Variants in ESM1 observed in about 807,000 individuals in gnomAD.
ESM1 encodes the protein endothelial cell specific molecule 1.
In ESM1, 7 loss-of-function variants were observed where a neutral mutation model predicts 14.9. The ratio of observed to expected loss-of-function variants is 0.47; its 90% CI spans 0.27 to 0.88. The LOEUF is 0.88. ESM1 is among the 40% of genes least tolerant of loss of function. The probability of loss-of-function intolerance (pLI) is 0.14; values close to 1 mark genes in which losing one functional copy is unlikely to be tolerated. For missense variants in ESM1, 192 were observed against 237.9 expected (o/e 0.81, Z 1.27); for synonymous variants, 89 against 89.4 (o/e 1.00, Z 0.02).
chr5:54,979,267 A>C lies in ESM1; in HGVS notation c.*65T>G, dbSNP rs1744002767. 3.4e-6 allele frequency: 4 copies of C among 1,186,274 alleles called. No homozygotes were observed. The highest frequency in any genetic ancestry group is 5.0e-6 in the Non-Finnish European group (4 of 797,054). The allele number at this position is 1,186,274 out of a possible 1,614,324, so 73.5% of individuals were successfully genotyped here. ...TTATGCTATAATCTAGAAAGTTCCT[A>C]AAATGTTGGCTGTGTGTTGAACAAT... is the stretch of plus-strand genomic sequence containing the variant. On this transcript the variant is annotated 3_prime_UTR_variant, in exon 3 of 3. Transcript: ENST00000381405.
chr5:54,978,192 CAT>C lies in ESM1; in HGVS notation c.*1138_*1139del, dbSNP rs980072231. On this transcript the variant is annotated 3_prime_UTR_variant, in exon 3 of 3. Coordinates refer to ENST00000381405, the MANE Select transcript of ESM1 (RefSeq NM_007036.5). ...AAAATAAACTATATTTTAAAGTTGA[CAT>C]GTTTTCTGCTGAAAATTGATTCTTC... 1 of 152,094 alleles carries C rather than the reference CAT, an allele frequency of 6.6e-6. No homozygotes were observed. Among genetic ancestry groups the C allele is most frequent in the Non-Finnish European group, 1.5e-5 (1 of 68,010 alleles). 9.4% of individuals were successfully genotyped at this position (152,094 alleles called of 1,614,324 possible). A position where few individuals can be genotyped will look rare whatever the true frequency, so the allele number is the denominator to read the frequency against.
At chr5:54,983,182 G>A (rs527869198) in intron 1 of ESM1, among the ~76,000 whole-genome samples, 120 of 152,228 alleles carry the variant, frequency 7.9e-4, no homozygotes, top group Non-Finnish European at 1.2e-3. Flanking sequence ...AGAGATCTAT[G>A]AGTGCTCTTT....
intron 1 of ESM1, among the ~76,000 whole-genome samples, chr5:54,983,465 A>T (rs1158144602): frequency 6.6e-6 from 1 of 152,250 alleles, no homozygotes; most frequent in Non-Finnish European, 1.5e-5. Flanking sequence ...TCTGGGCAAG[A>T]TGTTCACAGA....
intron 2 of ESM1, 126 bp downstream of exon 2, chr5:54,981,871 C>A: frequency 9.9e-7 from 1 of 1,010,304 alleles, no homozygotes; most frequent in Non-Finnish European, 1.5e-6. Flanking sequence ...CCACCGTTCC[C>A]CTGAGTAAAG....
chr5:54,982,359 G>C (rs1334806076), intron 1 of ESM1, among the ~76,000 whole-genome samples: 1 of 152,118 alleles, frequency 6.6e-6, no homozygotes, highest in African/African-American at 2.4e-5. Context: ...GATGCCTCGG[G>C]CTTAGTGTTG....
At chr5:54,982,248 G>A in intron 1 of ESM1, 102 bp from the exon 2 acceptor site, 2 of 1,082,142 alleles carry the variant, frequency 1.8e-6, no homozygotes, top group South Asian at 3.3e-5. Flanking sequence ...CCAACCTCAT[G>A]AACCTTGACT....
At position 54,981,142 on chromosome 5, in the gene ESM1, T is replaced by C. The variant is rs141740483; in HGVS notation, c.451+855A>G. Among the ~76,000 whole-genome samples the C allele has an allele frequency of 5.8e-3, 891 of 152,332 alleles. 3 individuals carry two copies. Among genetic ancestry groups the C allele is most frequent in the African/African-American group, 8.5e-3 (353 of 41,576 alleles). On this transcript the variant is annotated intron_variant, in intron 2 of 2. Coordinates refer to ENST00000381405, the MANE Select transcript of ESM1 (RefSeq NM_007036.5). Reference sequence around the variant, plus strand: ...TAAGTAGCATATCCATCACCTCATATACTTATTTTTTGTGATGGGAACATT... The same window carrying C: ...TAAGTAGCATATCCATCACCTCATACACTTATTTTTTGTGATGGGAACATT...
chr5:54,984,607 T>C (rs1201994046), intron 1 of ESM1, among the ~76,000 whole-genome samples: 1 of 152,222 alleles, frequency 6.6e-6, no homozygotes, highest in Non-Finnish European at 1.5e-5. Context: ...ATCTGCTATT[T>C]TTCCAGATGA....
In ESM1 at chr5:54,979,369, C is replaced by T; in HGVS notation, c.518G>A (p.Gly173Glu). ...REEVVKENAA[G>E]SPVMRKWLNP... ...TAACCATTTCCTCATTACGGGAGAC[C>T]CGGCAGCATTCTCTTTCACAACTTC... The change falls in exon 3 of 3, where the codon GGG becomes GAG. Residue 173 changes from glycine to glutamate, a missense_variant. Coordinates refer to ENST00000381405, the MANE Select transcript of ESM1 (RefSeq NM_007036.5). 6.2e-7 allele frequency: 1 copy of T among 1,613,870 alleles called. No homozygotes were observed. Among genetic ancestry groups the T allele is most frequent in the African/African-American group, 1.3e-5 (1 of 75,014 alleles).
rs188151781 is a variant in ESM1 at position 54,984,577 on chromosome 5, T to C, written c.301+640A>G. ...CAGTTTTTATTTTTCTCTATTGTTA[T>C]TTTTCCTTGTCTTAACACCATCTGC... On this transcript the variant is annotated intron_variant, in intron 1 of 2. Transcript: ENST00000381405. 1.0e-3 allele frequency among the ~76,000 whole-genome samples: 154 copies of C among 152,322 alleles called. 1 individual carries two copies. The highest frequency in any genetic ancestry group is 3.5e-3 in the African/African-American group (145 of 41,566).
intron 1 of ESM1, among the ~76,000 whole-genome samples, chr5:54,984,894 C>G (rs540553137): frequency 1.6e-4 from 25 of 152,314 alleles, no homozygotes; most frequent in African/African-American, 6.0e-4. Flanking sequence ...CCTAAGCCAT[C>G]CTTAACAGAT....
chr5:54,981,573 C>G (rs931248845), intron 2 of ESM1, among the ~76,000 whole-genome samples: 1 of 152,196 alleles, frequency 6.6e-6, no homozygotes, highest in African/African-American at 2.4e-5. Context: ...TCTATCTTGA[C>G]TCTTAAAGCT....
At chr5:54,984,759 G>C (rs1256530609) in intron 1 of ESM1, among the ~76,000 whole-genome samples, 1 of 152,122 alleles carries the variant, frequency 6.6e-6, no homozygotes, top group Non-Finnish European at 1.5e-5. Flanking sequence ...TTGATCTTGA[G>C]AGTGGCCCTC....
Position 54,979,345 on chromosome 5 carries a change from A to G in ESM1, c.542T>C (p.Leu181Ser). The change falls in exon 3 of 3, where the codon TTA becomes TCA. Residue 181 changes from leucine (L) to serine (S), a missense_variant. Physicochemically the swap from Leu to Ser is moderately radical, Grantham distance 145. Transcript: ENST00000381405. ...TCACAGCCGGGATCAGCGTGGATTTAACCATTTCCTCATTACGGGAGACCC... is the reference window on the plus strand; with the variant it reads ...TCACAGCCGGGATCAGCGTGGATTTGACCATTTCCTCATTACGGGAGACCC... ...AAGSPVMRKW[L>S]NPR 1 of 1,612,750 alleles carries G rather than the reference A, an allele frequency of 6.2e-7. No homozygotes were observed. The highest frequency in any genetic ancestry group is 8.5e-7 in the Non-Finnish European group (1 of 1,178,774).
In ESM1 at chr5:54,982,027, T is replaced by C. The variant is rs769451663; in HGVS notation, c.421A>G (p.Lys141Glu). The C allele has an allele frequency of 6.2e-7, 1 of 1,614,200 alleles. No individual in the cohort carries two copies. The highest frequency in any genetic ancestry group is 8.5e-7 in the Non-Finnish European group (1 of 1,180,030). The change falls in exon 2 of 3, where the codon AAG (lysine) becomes GAG (glutamate). Residue 141 changes from lysine (K) to glutamate (E), a missense_variant. Coordinates refer to ENST00000381405, the MANE Select transcript of ESM1 (RefSeq NM_007036.5). ...KFPFFQYSVT[K>E]SSNRFVSLTE... Reference sequence around the variant, plus strand: ...AGAGAAACAAATCTGTTGGAAGACTTGGTTACTGAATATTGGAAGAAGGGG... The same window carrying C: ...AGAGAAACAAATCTGTTGGAAGACTCGGTTACTGAATATTGGAAGAAGGGG...
Position 54,979,010 on chromosome 5 carries a change from C to G in ESM1, c.*322G>C, listed in dbSNP as rs138587249. 9.8e-6 allele frequency: 2 copies of G among 205,094 alleles called. No homozygotes were observed. Among genetic ancestry groups the G allele is most frequent in the African/African-American group, 2.3e-5 (1 of 42,794 alleles). 12.7% of individuals were successfully genotyped at this position (205,094 alleles called of 1,614,324 possible). A position where few individuals can be genotyped will look rare whatever the true frequency, so the allele number is the denominator to read the frequency against. On this transcript the variant is annotated 3_prime_UTR_variant, in exon 3 of 3. Transcript: ENST00000381405. ...TAATTTGACTCACTGCGGTCTTCAG[C>G]TTTGCCTAGCTCCCTCTTTGGTTGA...
chr5:54,984,819 G>T (rs1348607870), intron 1 of ESM1, among the ~76,000 whole-genome samples: 1 of 152,182 alleles, frequency 6.6e-6, no homozygotes, highest in Non-Finnish European at 1.5e-5. Flanking sequence ...CTGGGGGCTA[G>T]AAACCATTCC....
At position 54,978,073 on chromosome 5, in the gene ESM1, A is replaced by C. The variant is rs1743970539; in HGVS notation, c.*1259T>G. The C allele has an allele frequency of 6.6e-6, 1 of 152,214 alleles. No homozygotes were observed. The highest frequency in any genetic ancestry group is 2.4e-5 in the African/African-American group (1 of 41,464). 9.4% of individuals were successfully genotyped at this position (152,214 alleles called of 1,614,324 possible). A position where few individuals can be genotyped will look rare whatever the true frequency, so the allele number is the denominator to read the frequency against. ...TAAAATACTTCTGAGATATTTCCTAAGAACATCTAGTACAACAGTCCTGTT... is the reference window on the plus strand; with the variant it reads ...TAAAATACTTCTGAGATATTTCCTACGAACATCTAGTACAACAGTCCTGTT... On this transcript the variant is annotated 3_prime_UTR_variant, in exon 3 of 3. Transcript: ENST00000381405.
Position 54,979,413 on chromosome 5 carries a change from A to G in ESM1, c.474T>C (p.Asp158=). Residue 158 remains aspartate, a synonymous_variant, in exon 3 of 3, where the codon GAT becomes GAC. Transcript: ENST00000381405. The part of the protein sequence containing the change: ...SLTEHDMASG[D]GNIVREEVVK... Reference sequence around the variant, plus strand: ...CAACTTCTTCTCTCACAATATTGCCATCTCCAGATGCCATGTCATGCTCTG... The same window carrying G: ...CAACTTCTTCTCTCACAATATTGCCGTCTCCAGATGCCATGTCATGCTCTG... 1.2e-6 allele frequency: 2 copies of G among 1,612,616 alleles called. No homozygotes were observed. Among genetic ancestry groups the G allele is most frequent in the Non-Finnish European group, 1.7e-6 (2 of 1,178,664 alleles).
Sources: gnomAD v4.1 joint callset for allele counts (sites outside exome capture counted in the v4.1 genomes callset) on GRCh38, gnomAD v4.1.1 for gene constraint, MANE v1.5 for transcripts, NCBI Gene and HGNC (gene_info 2026-07-23, HGNC 2026-07-21) for gene names.